Variants in PAMR1 observed in about 807,000 individuals in gnomAD.
PAMR1 encodes inactive serine protease PAMR1.
A neutral mutation model predicts 81.8 loss-of-function variants in PAMR1; 88 were observed. The observed-to-expected ratio is 1.08, with a 90% CI of 0.91 to 1.28. PAMR1 has a LOEUF of 1.28. Among genes scored for constraint, PAMR1 ranks in the 50% most tolerant of loss-of-function variants. The probability of loss-of-function intolerance (pLI) is 0.00; values close to 1 mark genes in which losing one functional copy is unlikely to be tolerated. For missense variants in PAMR1, 935 were observed against 919.7 expected, an observed-to-expected ratio of 1.02 and a Z score of -0.21; for synonymous variants, 336 against 345.3, an observed-to-expected ratio of 0.97 and a Z score of 0.30.
chr11:35,447,464 A>G (rs766644538), intron 6 of PAMR1, among the ~76,000 whole-genome samples: 4 of 151,808 alleles, frequency 2.6e-5, no homozygotes, highest in African/African-American at 9.7e-5. Flanking sequence ...CGGCCTCCCA[A>G]AGTCCTGGGG....
intron 1 of PAMR1, among the ~76,000 whole-genome samples, chr11:35,515,584 C>T (rs1851147444): frequency 6.6e-6 from 1 of 152,214 alleles, no homozygotes; most frequent in Non-Finnish European, 1.5e-5. Context: ...CCATGAGCAA[C>T]GTCTCATCTG....
chr11:35,475,753 A>G (rs1590353487), intron 3 of PAMR1, among the ~76,000 whole-genome samples: 1 of 152,352 alleles, frequency 6.6e-6, no homozygotes, highest in African/African-American at 2.4e-5. Flanking sequence ...GAACACAGTG[A>G]CACCCATTCA....
intron 1 of PAMR1, among the ~76,000 whole-genome samples, chr11:35,504,467 T>C (rs995909271): frequency 7.2e-5 from 11 of 152,140 alleles, no homozygotes; most frequent in African/African-American, 2.7e-4. Context: ...AATTTTTCTT[T>C]AAATGTTTGG....
chr11:35,477,023 C>T (rs558733831), intron 3 of PAMR1, among the ~76,000 whole-genome samples: 47 of 152,200 alleles, frequency 3.1e-4, no homozygotes, highest in African/African-American at 9.9e-4. Flanking sequence ...AGCAAGACTT[C>T]ATCTAAAAAC....
At chr11:35,500,899 A>C (rs1299686611) in intron 1 of PAMR1, among the ~76,000 whole-genome samples, 1 of 152,204 alleles carries the variant, frequency 6.6e-6, no homozygotes, top group Non-Finnish European at 1.5e-5. Flanking sequence ...GATTTAAAAA[A>C]TGGAACAGCT....
At chr11:35,470,512 G>T in intron 5 of PAMR1, 89 bp downstream of exon 5, 1 of 987,446 alleles carries the variant, frequency 1.0e-6, no homozygotes, top group Non-Finnish European at 1.6e-6. Flanking sequence ...GTTTTAATAA[G>T]GATGAGAGGA....
At chr11:35,489,281 C>G (rs1450483954) in intron 3 of PAMR1, among the ~76,000 whole-genome samples, 3 of 152,156 alleles carry the variant, frequency 2.0e-5, no homozygotes, top group African/African-American at 7.2e-5. Context: ...AAACCTCTTC[C>G]CTTTTATTAC....
At chr11:35,483,937 G>A (rs1850450203) in intron 3 of PAMR1, among the ~76,000 whole-genome samples, 1 of 152,108 alleles carries the variant, frequency 6.6e-6, no homozygotes. Context: ...ACCTCCTTGT[G>A]CCCAGTGTGT....
chr11:35,495,013 A>C (rs1850699984), intron 1 of PAMR1, among the ~76,000 whole-genome samples: 1 of 152,236 alleles, frequency 6.6e-6, no homozygotes, highest in Non-Finnish European at 1.5e-5. Flanking sequence ...TGTGCACTGC[A>C]CAGATCCATA....
intron 1 of PAMR1, among the ~76,000 whole-genome samples, chr11:35,509,756 T>C (rs947466981): frequency 6.6e-6 from 1 of 151,778 alleles, no homozygotes; most frequent in African/African-American, 2.4e-5. Context: ...AAAAGAGGGG[T>C]TCACAGAATT....
chr11:35,434,325 A>T (rs1590312046), intron 10 of PAMR1, among the ~76,000 whole-genome samples, 187 bp downstream of exon 10: 1 of 151,422 alleles, frequency 6.6e-6, no homozygotes, highest in South Asian at 2.1e-4. Flanking sequence ...TGGAAAAAAG[A>T]CTCCACAGCC....
chr11:35,452,078 G>C, intron 6 of PAMR1: 1 of 435,770 alleles, frequency 2.3e-6, no homozygotes, highest in Non-Finnish European at 4.1e-6. Flanking sequence ...AAAGAATACA[G>C]ATAATGTTGT....
intron 1 of PAMR1, among the ~76,000 whole-genome samples, chr11:35,521,836 G>T (rs1425825533): frequency 2.6e-5 from 4 of 152,086 alleles, no homozygotes; most frequent in Non-Finnish European, 1.5e-5. Context: ...CCACTACTCT[G>T]CCAGTGTAGT....
intron 1 of PAMR1, among the ~76,000 whole-genome samples, chr11:35,496,435 T>A (rs1188272454): frequency 1.3e-5 from 2 of 152,176 alleles, no homozygotes; most frequent in Non-Finnish European, 2.9e-5. Context: ...GACAACATAG[T>A]TTTTTAAATG....
At chr11:35,510,837 C>A (rs938498472) in intron 1 of PAMR1, among the ~76,000 whole-genome samples, 2 of 152,124 alleles carry the variant, frequency 1.3e-5, no homozygotes, top group African/African-American at 4.8e-5. Context: ...TCTTTAAAAT[C>A]AGAATAAAAA....
At chr11:35,486,866 T>C (rs1440208678) in intron 3 of PAMR1, among the ~76,000 whole-genome samples, 3 of 152,164 alleles carry the variant, frequency 2.0e-5, no homozygotes, top group African/African-American at 7.2e-5. Context: ...GCGACTGAAG[T>C]ATTGTTTAGA....
chr11:35,482,072 G>A (rs1020508852), intron 3 of PAMR1, among the ~76,000 whole-genome samples: 3 of 152,172 alleles, frequency 2.0e-5, no homozygotes, highest in African/African-American at 7.2e-5. Context: ...AGCTTTTGAT[G>A]CAATTGCTTT....
intron 8 of PAMR1, among the ~76,000 whole-genome samples, chr11:35,436,734 T>C (rs1317660484): frequency 1.3e-5 from 2 of 152,066 alleles, no homozygotes; most frequent in Non-Finnish European, 2.9e-5. Flanking sequence ...TACTTCAATC[T>C]TCATTTTATG....
intron 8 of PAMR1, among the ~76,000 whole-genome samples, chr11:35,439,218 T>C (rs1403922874): frequency 6.6e-6 from 1 of 152,226 alleles, no homozygotes; most frequent in Non-Finnish European, 1.5e-5. Flanking sequence ...CTGCCTCATC[T>C]CACTGGTTAC....
Sources: allele counts gnomAD v4.1 joint callset (sites outside exome capture counted in the v4.1 genomes callset), GRCh38; gene constraint gnomAD v4.1.1; transcripts MANE v1.5; gene names NCBI Gene and HGNC (gene_info 2026-07-23, HGNC 2026-07-21).